COL14A1: variants seen among roughly 807,000 people sequenced by gnomAD.
COL14A1 encodes collagen type XIV alpha 1 chain.
COL14A1 carries 136 observed loss-of-function variants against 230.3 expected under a neutral mutation model. The observed-to-expected ratio is 0.59, with a 90% CI of 0.51 to 0.68. The LOEUF is 0.68. Among genes scored for constraint, COL14A1 ranks in the 30% least tolerant of loss-of-function variants. The pLI, the probability that COL14A1 is intolerant of heterozygous loss-of-function variation, is 0.00. For synonymous variants in COL14A1, 792 were observed against 784.1 expected (o/e 1.01, Z -0.17); for missense variants, 1,976 against 2,215.8 (o/e 0.89, Z 2.17).
At chr8:120,289,353 C>T (rs16893833) in intron 33 of COL14A1, among the ~76,000 whole-genome samples, 2,360 of 152,060 alleles carry the variant, frequency 0.016, 58 homozygotes, top group African/African-American at 0.053. Flanking sequence ...CGAGTTAGGC[C>T]GGACTTTAAA....
At chr8:120,274,330 A>T (rs894527122) in intron 26 of COL14A1, among the ~76,000 whole-genome samples, 2 of 151,858 alleles carry the variant, frequency 1.3e-5, no homozygotes. Flanking sequence ...CATACCTCAA[A>T]ATAATAAATG....
At chr8:120,342,044 C>T (rs959905050) in intron 43 of COL14A1, among the ~76,000 whole-genome samples, 5 of 152,122 alleles carry the variant, frequency 3.3e-5, no homozygotes, top group African/African-American at 7.2e-5. Context: ...AGCCACTGCT[C>T]GAGAAAGTGC....
intron 2 of COL14A1, among the ~76,000 whole-genome samples, chr8:120,149,514 AT>A (rs1014160081): frequency 2.0e-5 from 3 of 152,190 alleles, no homozygotes; most frequent in African/African-American, 7.2e-5. Context: ...CAAGACACAG[AT>A]TCTTAGAAAC....
rs757647551 is a variant in COL14A1, at chr8:120,262,870, A to C, written c.2872A>C (p.Arg958=). 30 of 1,600,206 alleles carry C rather than the reference A, an allele frequency of 1.9e-5. No individual in the cohort carries two copies. The highest frequency in any genetic ancestry group is 2.5e-5 in the Non-Finnish European group (30 of 1,176,682). Residue 958 remains arginine (R), a splice_region_variant and synonymous_variant, in exon 24 of 48, where the codon AGG becomes CGG. Coordinates refer to ENST00000297848, the MANE Select transcript of COL14A1 (RefSeq NM_021110.4). ...YRVVIESLQD[R]QKQESTVGGG... ...GTTTTGTTTTGTTTTTATTATAGAT[A>C]GGCAAAAGCAAGAATCCACTGTGGG...
intron 45 of COL14A1, among the ~76,000 whole-genome samples, chr8:120,353,957 C>A (rs1163486694): frequency 1.4e-5 from 2 of 142,706 alleles, no homozygotes; most frequent in African/African-American, 5.4e-5. Flanking sequence ...TTTATTGCGG[C>A]ATTATTCACA....
rs16893630 is a variant in COL14A1 at position 120,171,256 on chromosome 8, C to G, written c.436+3009C>G. 7.4e-3 allele frequency among the ~76,000 whole-genome samples: 1,132 copies of G among 152,042 alleles called. 9 individuals are homozygous for G. The highest frequency in any genetic ancestry group is 9.1e-3 in the Non-Finnish European group (620 of 67,954). On this transcript the variant is annotated intron_variant, in intron 5 of 47. Coordinates refer to ENST00000297848, the MANE Select transcript of COL14A1 (RefSeq NM_021110.4). ...GTCCCATCTTACACATCATTCTTGA[C>G]AAATACATTAACTTATTTTTTGCCT...
At chr8:120,337,434 A>C (rs1288714499) in intron 42 of COL14A1, among the ~76,000 whole-genome samples, 1 of 151,628 alleles carries the variant, frequency 6.6e-6, no homozygotes, top group African/African-American at 2.4e-5. Flanking sequence ...AAGAAAAAAG[A>C]AAAAAAAGAA....
Position 120,224,150 on chromosome 8 carries a change from C to T in COL14A1, c.1738-938C>T, listed in dbSNP as rs535371393. Reference sequence around the variant, plus strand: ...CAAGCGATTCTCCTGCCATGGCCTCCTGAGTAGCTGGGATTGCAGGTGCGC... The same window carrying T: ...CAAGCGATTCTCCTGCCATGGCCTCTTGAGTAGCTGGGATTGCAGGTGCGC... On this transcript the variant is annotated intron_variant, in intron 14 of 47. Transcript: ENST00000297848. Among the ~76,000 whole-genome samples the T allele has an allele frequency of 2.7e-5, 4 of 150,586 alleles. No homozygotes were observed. The East Asian group carries it at 6.0e-4, about 23-fold the overall frequency.
At chr8:120,321,612 C>T (rs1563736780) in intron 40 of COL14A1, among the ~76,000 whole-genome samples, 3 of 149,718 alleles carry the variant, frequency 2.0e-5, no homozygotes, top group Non-Finnish European at 4.4e-5. Flanking sequence ...CACTGCACTC[C>T]AGCCTGGGCG....
intron 22 of COL14A1, 83 bp downstream of exon 22, chr8:120,250,849 T>G (rs1818923344): frequency 1.3e-6 from 2 of 1,514,540 alleles, no homozygotes; most frequent in Non-Finnish European, 1.8e-6. Flanking sequence ...GCTCTGTCGC[T>G]CAGGCTGGAG....
At chr8:120,151,031 A>G (rs1354998702) in intron 2 of COL14A1, among the ~76,000 whole-genome samples, 1 of 152,038 alleles carries the variant, frequency 6.6e-6, no homozygotes, top group Non-Finnish European at 1.5e-5. Flanking sequence ...AAGGAGAGTC[A>G]GGGGAATGTA....
chr8:120,248,068 G>A (rs1004348137), intron 21 of COL14A1, among the ~76,000 whole-genome samples: 4 of 152,018 alleles, frequency 2.6e-5, no homozygotes, highest in Non-Finnish European at 5.9e-5. Context: ...GAAGCTTTAT[G>A]CTCAATAAAG....
At chr8:120,359,309 G>A (rs951356538) in intron 45 of COL14A1, among the ~76,000 whole-genome samples, 1 of 149,414 alleles carries the variant, frequency 6.7e-6, no homozygotes, top group African/African-American at 2.5e-5. Context: ...TCCCACTTAT[G>A]AGTGAGAATA....
intron 26 of COL14A1, among the ~76,000 whole-genome samples, chr8:120,271,330 A>G (rs1394420464): frequency 6.6e-6 from 1 of 151,522 alleles, no homozygotes; most frequent in Non-Finnish European, 1.5e-5. Flanking sequence ...ATGACTTGCA[A>G]TTTATCTCTC....
intron 20 of COL14A1, among the ~76,000 whole-genome samples, chr8:120,244,453 T>C (rs1050395598): frequency 6.6e-6 from 1 of 152,186 alleles, no homozygotes; most frequent in African/African-American, 2.4e-5. Context: ...AATTCTTTAG[T>C]GGTGATTTGT....
At chr8:120,198,508 A>C (rs577792597) in intron 7 of COL14A1, among the ~76,000 whole-genome samples, 2 of 152,290 alleles carry the variant, frequency 1.3e-5, no homozygotes, top group African/African-American at 4.8e-5. Context: ...ACCTTGAGAC[A>C]TGCTGCAAGC....
At chr8:120,227,034 C>T (rs1007484755) in intron 16 of COL14A1, among the ~76,000 whole-genome samples, 186 bp from the exon 17 acceptor site, 2 of 152,142 alleles carry the variant, frequency 1.3e-5, no homozygotes, top group Non-Finnish European at 2.9e-5. Context: ...GTCACTTTTG[C>T]AATATTAATA....
At chr8:120,278,331 A>T (rs1038660342) in intron 27 of COL14A1, 97 bp downstream of exon 27, 8 of 1,478,478 alleles carry the variant, frequency 5.4e-6, no homozygotes, top group African/African-American at 1.4e-5. Context: ...TTTTTTAAAG[A>T]TTTTTTTTTT....
chr8:120,215,362 C>T (rs1030386549), intron 13 of COL14A1, among the ~76,000 whole-genome samples: 1 of 149,444 alleles, frequency 6.7e-6, no homozygotes, highest in African/African-American at 2.5e-5. Flanking sequence ...CAGAGTGAGA[C>T]TCTGTCAGAA....
Sources: gnomAD v4.1 joint callset for allele counts (sites outside exome capture counted in the v4.1 genomes callset) on GRCh38, gnomAD v4.1.1 for gene constraint, MANE v1.5 for transcripts, NCBI Gene and HGNC (gene_info 2026-07-23, HGNC 2026-07-21) for gene names.